The following ABCA9 variants were observed in gnomAD, a reference collection of about 807,000 sequenced individuals.
ABCA9 encodes the protein ATP-binding cassette sub-family A member 9.
In ABCA9, 183 loss-of-function variants were observed where a neutral mutation model predicts 205.3. The ratio of observed to expected loss-of-function variants is 0.89; its 90% CI spans 0.79 to 1.01. The LOEUF (loss-of-function observed/expected upper bound fraction) is 1.01, where lower values mean the gene tolerates loss of function less well. Among genes scored for constraint, ABCA9 ranks in the 50% least tolerant of loss-of-function variants. The pLI, the probability that ABCA9 is intolerant of heterozygous loss-of-function variation, is 0.00. For synonymous variants in ABCA9, 651 were observed against 683.3 expected (o/e 0.95, Z 0.74); for missense variants, 1,805 against 1,912.4 (o/e 0.94, Z 1.05).
Position 69,028,636 on chromosome 17 carries a change from A to G in ABCA9, c.1514T>C (p.Phe505Ser), listed in dbSNP as rs371068254. Reference sequence around the variant, plus strand: ...AGTGATCTGGCCTTCATATATGTCAAACACCACACCTGGCATGATTTTAAA... The same window carrying G: ...AGTGATCTGGCCTTCATATATGTCAGACACCACACCTGGCATGATTTTAAA... ...ERVEALKGVV[F>S]DIYEGQITAL... Residue 505 changes from phenylalanine to serine, a missense_variant, in exon 12 of 39, where the codon TTT becomes TCT. Physicochemically the swap from Phe to Ser is radical, Grantham distance 155. Coordinates refer to ENST00000340001, the MANE Select transcript of ABCA9 (RefSeq NM_080283.4). The G allele has an allele frequency of 6.3e-7, 1 of 1,590,590 alleles. No homozygotes were observed. The highest frequency in any genetic ancestry group is 1.3e-5 in the African/African-American group (1 of 74,142).
At chr17:69,049,606 C>A in intron 2 of ABCA9, 116 bp from the exon 3 acceptor site, 1 of 850,528 alleles carries the variant, frequency 1.2e-6, no homozygotes, top group African/African-American at 1.7e-5. Context: ...TCCATTTATT[C>A]TTTCTCCTAG....
chr17:69,074,821 G>C, the ABCA9 span, among the ~76,000 whole-genome samples: 1 of 152,090 alleles, frequency 6.6e-6, no homozygotes, highest in African/African-American at 2.4e-5. Flanking sequence ...TGGGTCAAAT[G>C]GTAGTTCTAT....
At chr17:69,002,000 TTC>T (rs1406593076) in intron 25 of ABCA9, among the ~76,000 whole-genome samples, 2 of 152,062 alleles carry the variant, frequency 1.3e-5, no homozygotes, top group African/African-American at 4.8e-5. Context: ...TATTTGATTC[TTC>T]TCTCTTTTTT....
At chr17:69,051,853 C>T (rs1320072849) in intron 1 of ABCA9, 1 of 152,032 alleles carries the variant, frequency 6.6e-6, no homozygotes, top group Non-Finnish European at 1.5e-5. Flanking sequence ...ACACATTTTC[C>T]AAAAATATTC....
At chr17:69,072,695 G>A in the ABCA9 span, among the ~76,000 whole-genome samples, 3 of 151,348 alleles carry the variant, frequency 2.0e-5, no homozygotes, top group Non-Finnish European at 2.9e-5. Context: ...ATCAACTGAT[G>A]GGCAAAATAA....
At position 69,045,311 on chromosome 17, in the gene ABCA9, A is replaced by G; in HGVS notation, c.330T>C (p.Asp110=). 1 of 1,612,556 alleles carries G rather than the reference A, an allele frequency of 6.2e-7. No homozygotes were observed. The change falls in exon 4 of 39, where the codon GAT becomes GAC. Residue 110 remains aspartate, a synonymous_variant. Coordinates refer to ENST00000340001, the MANE Select transcript of ABCA9 (RefSeq NM_080283.4). ...AATCCAATTCATCCATGCTTTTTTC[A>G]TCAGGCCACCCCATGATTGTTCTTC... ...LKGRTIMGWP[D]EKSMDELDLN...
rs1324716066 is a variant in ABCA9 at position 69,027,115 on chromosome 17, C to A, written c.1912-1G>T. On this transcript the variant is annotated splice_acceptor_variant, in intron 14 of 38. Coordinates refer to ENST00000340001, the MANE Select transcript of ABCA9 (RefSeq NM_080283.4). LOFTEE classifies it high-confidence loss of function. ...CAGTCGGTTCATCCAATAGCAAAAC[C>A]TGGACAGGAGGAAAGTCCTAAAGTA... 19 of 1,613,802 alleles carry A rather than the reference C, an allele frequency of 1.2e-5. No individual in the cohort carries two copies. The highest frequency in any genetic ancestry group is 1.4e-5 in the Non-Finnish European group (17 of 1,179,946).
intron 1 of ABCA9, among the ~76,000 whole-genome samples, chr17:69,057,747 G>T (rs998802287): frequency 6.6e-6 from 1 of 152,092 alleles, no homozygotes; most frequent in African/African-American, 2.4e-5. Flanking sequence ...GTATTTGTGG[G>T]TTCTGCACTT....
chr17:68,993,026 G>A lies in ABCA9; in HGVS notation c.3614C>T (p.Ala1205Val). The change falls in exon 27 of 39, where the codon GCA becomes GTA. Residue 1205 changes from alanine to valine, a missense_variant. Ala to Val is a moderately conservative substitution (Grantham distance 64). Coordinates refer to ENST00000340001, the MANE Select transcript of ABCA9 (RefSeq NM_080283.4). ...GASESEIVYL[A>V]LLIPYLHFLI... is the part of the protein sequence containing the mutation. ...AAAAAGTCTTCTTACTATTAGCAGT[G>A]CCAGGTATACAATTTCAGATTCTGA... The A allele has an allele frequency of 1.2e-6, 2 of 1,612,432 alleles. No homozygotes were observed. Among genetic ancestry groups the A allele is most frequent in the Middle Eastern group, 1.7e-4 (1 of 5,878 alleles).
At chr17:69,002,484 T>C (rs113583667) in intron 25 of ABCA9, among the ~76,000 whole-genome samples, 2 of 144,888 alleles carry the variant, frequency 1.4e-5, no homozygotes, top group Admixed American at 1.4e-4. Flanking sequence ...GTCTGAGAGA[T>C]AGTTTGTTAT....
At chr17:68,997,840 T>C (rs148152328) in intron 25 of ABCA9, among the ~76,000 whole-genome samples, 36 of 152,272 alleles carry the variant, frequency 2.4e-4, no homozygotes, top group African/African-American at 8.7e-4. Flanking sequence ...AGCTTACTCT[T>C]GTTGTTGGAC....
In ABCA9 at chr17:69,008,126, T is replaced by C; in HGVS notation, c.3257A>G (p.Gln1086Arg). ...TGGGCTAAAAATATAATCCATTATT[T>C]GCATTAGCAGGAGGATCAAAAAGTA... is the stretch of plus-strand genomic sequence containing the variant. The part of the protein sequence containing the change: ...SLYFLILLLM[Q>R]IMDYIFSPEE... Residue 1086 changes from glutamine (Q) to arginine (R), a missense_variant, in exon 24 of 39, where the codon CAA becomes CGA. Coordinates refer to ENST00000340001, the MANE Select transcript of ABCA9 (RefSeq NM_080283.4). 7 of 1,613,134 alleles carry C rather than the reference T, an allele frequency of 4.3e-6. No individual in the cohort carries two copies. The highest frequency in any genetic ancestry group is 5.9e-6 in the Non-Finnish European group (7 of 1,179,050).
intron 30 of ABCA9, 68 bp from the exon 31 acceptor site, chr17:68,989,186 G>C: frequency 1.0e-6 from 1 of 994,250 alleles, no homozygotes; most frequent in South Asian, 1.3e-5. Context: ...AATACCATTT[G>C]AGGGCTGTGT....
chr17:68,983,586 G>C (rs2069131853), intron 36 of ABCA9, 123 bp downstream of exon 36: 1 of 1,345,318 alleles, frequency 7.4e-7, no homozygotes, highest in African/African-American at 1.5e-5. Context: ...TTTCTCTTAA[G>C]TAAAGTACTT....
intron 8 of ABCA9, 56 bp from the exon 9 acceptor site, chr17:69,033,929 T>G (rs2071246659): frequency 7.3e-7 from 1 of 1,364,932 alleles, no homozygotes; most frequent in African/African-American, 1.5e-5. Flanking sequence ...TTAAGAATTA[T>G]TATTGTTTTA....
intron 37 of ABCA9, 22 bp downstream of exon 37, chr17:68,982,540 G>A (rs750880030): frequency 1.3e-6 from 2 of 1,587,622 alleles, no homozygotes; most frequent in African/African-American, 1.3e-5. Context: ...CCAGAGTTTT[G>A]TCTCTAAACA....
At chr17:69,069,519 GCTACT>G in the ABCA9 span, among the ~76,000 whole-genome samples, 1 of 152,002 alleles carries the variant, frequency 6.6e-6, no homozygotes, top group Non-Finnish European at 1.5e-5. Context: ...ATCTGTTGCT[GCTACT>G]TCCTGTTGGA....
chr17:68,981,719 C>T (rs867320179), intron 37 of ABCA9, among the ~76,000 whole-genome samples: 1 of 149,702 alleles, frequency 6.7e-6, no homozygotes, highest in Non-Finnish European at 1.5e-5. Flanking sequence ...GTGTGCTACT[C>T]GGGAGGCTGA....
chr17:69,035,530 A>G (rs2071304002), intron 7 of ABCA9, 99 bp from the exon 8 acceptor site: 5 of 1,370,100 alleles, frequency 3.6e-6, no homozygotes, highest in Non-Finnish European at 3.9e-6. Flanking sequence ...ATATTTTTCC[A>G]CCCCTAGACA....
Sources: gnomAD v4.1 joint callset for allele counts (sites outside exome capture counted in the v4.1 genomes callset) on GRCh38, gnomAD v4.1.1 for gene constraint, MANE v1.5 for transcripts, NCBI Gene and HGNC (gene_info 2026-07-23, HGNC 2026-07-21) for gene names.